The following RP1 variants were observed in gnomAD, a reference collection of about 807,000 sequenced individuals.
RP1 encodes RP1 axonemal microtubule associated.
In RP1, 16 loss-of-function variants were observed where a neutral mutation model predicts 14.8. That is an observed-to-expected ratio of 1.08 (90% CI 0.73 to 1.65). RP1 has a LOEUF of 1.65. RP1 is among the 40% of genes most tolerant of loss of function. The probability of loss-of-function intolerance (pLI) is 0.00; values close to 1 mark genes in which losing one functional copy is unlikely to be tolerated. For missense variants in RP1, 2,631 were observed against 2,535.0 expected (o/e 1.04, Z -0.81); for synonymous variants, 876 against 883.6 (o/e 0.99, Z 0.15).
At chr8:54,772,678 T>TA (rs1237842055), downstream of RP1, among the ~76,000 whole-genome samples, 1 of 152,188 alleles carries the variant, frequency 6.6e-6, no homozygotes, top group African/African-American at 2.4e-5. Flanking sequence ...ATAACTTGCC[T>TA]AAAGTCACAC....
chr8:54,726,374 G>A (rs1808653918), exon 17 of RP1: 10 of 1,531,918 alleles, frequency 6.5e-6, no homozygotes, highest in Non-Finnish European at 7.9e-6. Context: ...GGGAATGTCT[G>A]CAACACCCAG....
At chr8:54,840,499 C>T (rs1007661613) in intron 25 of RP1, among the ~76,000 whole-genome samples, 2 of 150,760 alleles carry the variant, frequency 1.3e-5, no homozygotes, top group African/African-American at 4.9e-5. Flanking sequence ...GTGATCTGCC[C>T]AAGGCTGCAT....
intron 1 of RP1, among the ~76,000 whole-genome samples, chr8:54,573,310 GCA>G (rs34751669): frequency 0.2 from 30,544 of 152,040 alleles, 3,514 homozygotes; most frequent in East Asian, 0.36. Context: ...TCTGCTAATG[GCA>G]CTGTGTCAGC....
At chr8:54,807,636 A>G (rs550627349) in intron 24 of RP1, among the ~76,000 whole-genome samples, 30 of 42,168 alleles carry the variant, frequency 7.1e-4, no homozygotes, top group African/African-American at 2.0e-3. Context: ...CTGTCTGTCT[A>G]TCTATCTATC....
chr8:54,604,941 T>G (rs1399785152), intron 1 of RP1, among the ~76,000 whole-genome samples: 1 of 152,230 alleles, frequency 6.6e-6, no homozygotes, highest in Non-Finnish European at 1.5e-5. Flanking sequence ...TCTTCTTTAT[T>G]AGTCTTGCTA....
At chr8:54,561,075 T>G (rs1804275463) in intron 1 of RP1, 2 of 145,724 alleles carry the variant, frequency 1.4e-5, no homozygotes, top group Admixed American at 6.9e-5. Context: ...GTGGGGGATA[T>G]ACTGGGGGGG....
intron 24 of RP1, among the ~76,000 whole-genome samples, chr8:54,794,480 C>A (rs552570522): frequency 1.9e-5 from 2 of 104,190 alleles, no homozygotes; most frequent in South Asian, 3.5e-4. Context: ...ACCAAGAATG[C>A]ACAATGGGGA....
intron 25 of RP1, among the ~76,000 whole-genome samples, chr8:54,838,538 CATGT>C (rs1448897674): frequency 1.3e-5 from 2 of 151,912 alleles, no homozygotes; most frequent in Non-Finnish European, 2.9e-5. Flanking sequence ...AGAATGTATG[CATGT>C]GAGTGTTTCA....
intron 19 of RP1, among the ~76,000 whole-genome samples, chr8:54,740,122 C>T (rs1410844208): frequency 1.3e-5 from 2 of 148,660 alleles, no homozygotes; most frequent in Non-Finnish European, 1.5e-5. Flanking sequence ...TTAGAGTGTA[C>T]TCATTCTACT....
chr8:54,606,831 C>T (rs1315246283), intron 1 of RP1, among the ~76,000 whole-genome samples: 5 of 152,270 alleles, frequency 3.3e-5, no homozygotes, highest in East Asian at 1.9e-4. Context: ...TCCAGTTGAT[C>T]GAATCGGCTA....
chr8:54,843,454 C>T (rs749510802), intron 25 of RP1, among the ~76,000 whole-genome samples: 2 of 152,024 alleles, frequency 1.3e-5, no homozygotes, highest in African/African-American at 2.4e-5. Flanking sequence ...AGCCCCAAAC[C>T]GCCGCCGTAT....
intron 25 of RP1, among the ~76,000 whole-genome samples, chr8:54,843,980 C>A (rs1443926982): frequency 6.6e-6 from 1 of 152,146 alleles, no homozygotes; most frequent in Non-Finnish European, 1.5e-5. Flanking sequence ...CAAAAAATAC[C>A]CATGTTGACT....
intron 24 of RP1, among the ~76,000 whole-genome samples, chr8:54,825,999 T>C (rs1309449556): frequency 1.3e-5 from 2 of 152,028 alleles, no homozygotes; most frequent in East Asian, 3.9e-4. Flanking sequence ...GCCCAGAAAT[T>C]GGAAGCTGCA....
intron 3 of RP1, among the ~76,000 whole-genome samples, chr8:54,641,967 C>T (rs955252922): frequency 2.6e-5 from 4 of 152,172 alleles, no homozygotes; most frequent in Admixed American, 2.6e-4. Flanking sequence ...ATACTATTCA[C>T]ATTCATAGAA....
exon 18 of RP1, chr8:54,734,547 G>A (rs887006120): frequency 6.5e-7 from 1 of 1,533,304 alleles, no homozygotes; most frequent in Admixed American, 2.0e-5. Context: ...CCCCATAGAA[G>A]AAATCAGACA....
At chr8:54,831,133 T>C (rs1277484326) in intron 24 of RP1, among the ~76,000 whole-genome samples, 2 of 152,088 alleles carry the variant, frequency 1.3e-5, no homozygotes, top group Non-Finnish European at 2.9e-5. Flanking sequence ...TGTATTCACA[T>C]TTTGGCTGCA....
At chr8:54,721,301 G>A (rs961293929) in intron 16 of RP1, among the ~76,000 whole-genome samples, 10 of 152,212 alleles carry the variant, frequency 6.6e-5, no homozygotes, top group Non-Finnish European at 1.5e-4. Flanking sequence ...CTGTCACAGA[G>A]TGGCATTCTG....
exon 10 of RP1, chr8:54,679,487 T>A: frequency 6.5e-7 from 1 of 1,535,988 alleles, no homozygotes. Flanking sequence ...TAACAGTATC[T>A]TCTCTGCGAG....
intron 15 of RP1, among the ~76,000 whole-genome samples, chr8:54,716,717 T>A (rs1209876359): frequency 6.6e-6 from 1 of 152,146 alleles, no homozygotes. Context: ...AACTTCTAGA[T>A]CTCCTGATGT....
Sources: gnomAD v4.1 joint callset for allele counts (sites outside exome capture counted in the v4.1 genomes callset) on GRCh38, gnomAD v4.1.1 for gene constraint, MANE v1.5 for transcripts, NCBI Gene and HGNC (gene_info 2026-07-23, HGNC 2026-07-21) for gene names.